COL4A2: variants seen among roughly 807,000 people sequenced by gnomAD.
COL4A2 encodes the protein collagen type IV alpha 2 chain, also known as collagen alpha-2(IV) chain.
A neutral mutation model predicts 200.2 loss-of-function variants in COL4A2; 99 were observed. That is an observed-to-expected ratio of 0.49 (90% CI 0.42 to 0.58). The LOEUF (loss-of-function observed/expected upper bound fraction) is 0.58. Ranked by LOEUF, COL4A2 falls within the 20% of genes least tolerant of loss-of-function variation. The pLI is 0.00. For synonymous variants in COL4A2, 897 were observed against 900.6 expected (o/e 1.00, Z 0.07); for missense variants, 1,950 against 2,314.1 (o/e 0.84, Z 3.23).
intron 4 of COL4A2, among the ~76,000 whole-genome samples, chr13:110,363,616 T>C (rs1877612781): frequency 6.6e-6 from 1 of 152,084 alleles, no homozygotes; most frequent in African/African-American, 2.4e-5. Flanking sequence ...GTCCCCAGCC[T>C]TGGGGAAGGA....
intron 4 of COL4A2, among the ~76,000 whole-genome samples, chr13:110,385,860 G>GCATGTCGATGGGCCGTGGTTA (rs1878708605): frequency 5.0e-4 from 1 of 2,018 alleles, no homozygotes; most frequent in Non-Finnish European, 1.2e-3. Context: ...GGCCGTGGTT[G>GCATGTCGATGGGCCGTGGTTA]CAGCGTGTGG....
chr13:110,343,663 A>T lies in COL4A2; in HGVS notation c.100-13809A>T, dbSNP rs766034051. Reference sequence around the variant, plus strand: ...ATAAAGCTGCAGGCACCTGAGGCTGAGCCTGCCCGGGCAGCGCAGCGCTGC... The same window carrying T: ...ATAAAGCTGCAGGCACCTGAGGCTGTGCCTGCCCGGGCAGCGCAGCGCTGC... On this transcript the variant is annotated intron_variant, in intron 3 of 47. Transcript: ENST00000360467. 1.7e-3 allele frequency among the ~76,000 whole-genome samples: 263 copies of T among 152,370 alleles called. 1 individual carries two copies. Among genetic ancestry groups the T allele is most frequent in the Non-Finnish European group, 3.0e-3 (201 of 68,034 alleles).
chr13:110,431,244 C>T (rs932851382), intron 10 of COL4A2, among the ~76,000 whole-genome samples: 9 of 152,056 alleles, frequency 5.9e-5, no homozygotes, highest in Admixed American at 2.0e-4. Flanking sequence ...ACACAAGGAG[C>T]GATTTGGGCT....
chr13:110,359,244 A>G (rs1294604462), intron 4 of COL4A2, among the ~76,000 whole-genome samples: 2 of 152,218 alleles, frequency 1.3e-5, no homozygotes, highest in Non-Finnish European at 2.9e-5. Context: ...TGGATTTAAT[A>G]TGTTCAATCA....
chr13:110,484,814 C>T (rs376590188), intron 32 of COL4A2, 91 bp from the exon 33 acceptor site: 23 of 1,461,058 alleles, frequency 1.6e-5, no homozygotes, highest in East Asian at 1.4e-4. Flanking sequence ...GGGAGACGTG[C>T]AGCCCTATGG....
Position 110,508,319 on chromosome 13 carries a change from A to G in COL4A2, c.4881+98A>G. The G allele has an allele frequency of 7.1e-6, 11 of 1,556,432 alleles. No homozygotes were observed. The highest frequency in any genetic ancestry group is 1.3e-5 in the African/African-American group (1 of 74,310). On this transcript the variant is annotated intron_variant, in intron 47 of 47. Coordinates refer to ENST00000360467, the MANE Select transcript of COL4A2 (RefSeq NM_001846.4). The surrounding 1 kb of genome is among the most constrained non-coding windows in gnomAD (Gnocchi z 6.1). ...TGAGAAGAATCAGACACGGCAGTCC[A>G]GGGTGTGCACTGCACAAGGGTAGTT...
chr13:110,485,394 G>A (rs935430570), intron 33 of COL4A2, among the ~76,000 whole-genome samples: 9 of 151,968 alleles, frequency 5.9e-5, no homozygotes, highest in Admixed American at 5.3e-4. Flanking sequence ...ATGGTGGTGG[G>A]CGCCTGTAGT....
chr13:110,477,207 A>AG (rs1282060821), intron 29 of COL4A2, among the ~76,000 whole-genome samples: 5 of 152,106 alleles, frequency 3.3e-5, no homozygotes, highest in Non-Finnish European at 7.4e-5. Context: ...AGAAAGAAAG[A>AG]AAAGATATGA....
chr13:110,439,424 G>A (rs569047449), intron 15 of COL4A2, among the ~76,000 whole-genome samples: 4 of 152,276 alleles, frequency 2.6e-5, no homozygotes, highest in South Asian at 2.1e-4. Context: ...AATGATGCAC[G>A]TTATGAAAGT....
At position 110,374,849 on chromosome 13, in the gene COL4A2, G is replaced by A. The variant is rs185821739; in HGVS notation, c.180+17297G>A. ...GTGGATAGTTTTCCCCTCTTCAGAA[G>A]CATTCCTGAGTCAAGAACACCCTGA... On this transcript the variant is annotated intron_variant, in intron 4 of 47. Coordinates refer to ENST00000360467, the MANE Select transcript of COL4A2 (RefSeq NM_001846.4). Among the ~76,000 whole-genome samples, 134 of 152,308 alleles carry A rather than the reference G, an allele frequency of 8.8e-4. 3 individuals carry two copies. The East Asian group carries it at 0.026, about 29-fold the overall frequency.
intron 29 of COL4A2, 32 bp from the exon 30 acceptor site, chr13:110,477,971 G>T (rs1200316323): frequency 6.6e-7 from 1 of 1,514,948 alleles, no homozygotes; most frequent in Non-Finnish European, 8.9e-7. Flanking sequence ...TCCAGAGTTG[G>T]CCCCCACAGC....
chr13:110,495,861 C>A (rs997654788), intron 40 of COL4A2, among the ~76,000 whole-genome samples: 2 of 152,186 alleles, frequency 1.3e-5, no homozygotes, highest in Non-Finnish European at 2.9e-5. Context: ...GTAGGAAATG[C>A]CCAGAAACTT....
At chr13:110,427,563 CTAAAGTT>C (rs1880514733) in intron 6 of COL4A2, among the ~76,000 whole-genome samples, 1 of 152,150 alleles carries the variant, frequency 6.6e-6, no homozygotes, top group East Asian at 1.9e-4. Context: ...ATCAAGAAAA[CTAAAGTT>C]TAAAAGTAAC....
intron 21 of COL4A2, among the ~76,000 whole-genome samples, chr13:110,458,479 A>C (rs1881868396): frequency 6.6e-6 from 1 of 151,468 alleles, no homozygotes; most frequent in African/African-American, 2.4e-5. Flanking sequence ...CCTCCTTCAC[A>C]CTCCCCGCAA....
At chr13:110,359,183 C>T (rs904654150) in intron 4 of COL4A2, among the ~76,000 whole-genome samples, 1 of 152,028 alleles carries the variant, frequency 6.6e-6, no homozygotes, top group Non-Finnish European at 1.5e-5. Flanking sequence ...AAAAGGGTAC[C>T]CCAAATCATC....
intron 17 of COL4A2, 82 bp from the exon 18 acceptor site, chr13:110,446,716 G>T: frequency 1.0e-5 from 13 of 1,242,306 alleles, no homozygotes; most frequent in Non-Finnish European, 1.4e-5. Flanking sequence ...CCACGCTCGG[G>T]TTTCTTCTTT....
rs771161198 is a variant in COL4A2, at chr13:110,503,944, C to G, written c.4236C>G (p.Pro1412=). The change falls in exon 44 of 48, where the codon CCC becomes CCG. Residue 1412 remains proline, a synonymous_variant. Coordinates refer to ENST00000360467, the MANE Select transcript of COL4A2 (RefSeq NM_001846.4). ...GTVGPQGRRG[P]PGAPGEMGPQ... ...TGGGTCCCCAGGGGAGGCGAGGCCC[C>G]CCTGGGGCACCGGGGGAGATGGGGC... 21 of 1,579,972 alleles carry G rather than the reference C, an allele frequency of 1.3e-5. No individual in the cohort carries two copies. Among genetic ancestry groups the G allele is most frequent in the Admixed American group, 1.9e-5 (1 of 54,012 alleles).
At chr13:110,502,284 C>A (rs400532) in intron 41 of COL4A2, among the ~76,000 whole-genome samples, 57,560 of 152,070 alleles carry the variant, frequency 0.38, 11,220 homozygotes, top group East Asian at 0.63. Flanking sequence ...CAGTCAGTAT[C>A]CACCCAGTAC....
At chr13:110,425,072 C>A in intron 6 of COL4A2, 75 bp downstream of exon 6, 1 of 1,569,310 alleles carries the variant, frequency 6.4e-7, no homozygotes, top group Non-Finnish European at 8.8e-7. Context: ...CTTAAAGAAA[C>A]ATTTTGAATG....
Sources: allele counts gnomAD v4.1 joint callset (sites outside exome capture counted in the v4.1 genomes callset), GRCh38; gene constraint gnomAD v4.1.1; non-coding constraint Gnocchi (gnomAD v3.1); transcripts MANE v1.5; gene names NCBI Gene and HGNC (gene_info 2026-07-23, HGNC 2026-07-21).